IGF2BP1: variants seen among roughly 807,000 people sequenced by gnomAD.
The protein encoded by IGF2BP1 is insulin-like growth factor 2 mRNA-binding protein 1.
Under a neutral mutation model 74.9 loss-of-function variants are expected in IGF2BP1, and 11 were observed. That is an observed-to-expected ratio of 0.15 (90% CI 0.09 to 0.24). The LOEUF is 0.24. Among genes scored for constraint, IGF2BP1 ranks in the 10% least tolerant of loss-of-function variants. The pLI is 1.00. For synonymous variants in IGF2BP1, 287 were observed against 281.8 expected (o/e 1.02, Z -0.18); for missense variants, 440 against 757.4 (o/e 0.58, Z 4.92).
At chr17:49,000,921 G>T (rs2041481606) in intron 2 of IGF2BP1, among the ~76,000 whole-genome samples, 1 of 149,846 alleles carries the variant, frequency 6.7e-6, no homozygotes, top group Non-Finnish European at 1.5e-5. Context: ...ATGGAGAGGG[G>T]GTTTGTGAGA....
At chr17:49,031,454 C>T (rs2144081066) in intron 4 of IGF2BP1, among the ~76,000 whole-genome samples, 1 of 151,772 alleles carries the variant, frequency 6.6e-6, no homozygotes, top group African/African-American at 2.4e-5. Flanking sequence ...AAGTTTTTTG[C>T]CTTTTTATTC....
intron 13 of IGF2BP1, 83 bp from the exon 14 acceptor site, chr17:49,046,177 C>G: frequency 6.9e-7 from 1 of 1,445,400 alleles, no homozygotes; most frequent in East Asian, 2.3e-5. Context: ...CCAGGTTCTC[C>G]CCACTAGTCA....
intron 8 of IGF2BP1, among the ~76,000 whole-genome samples, chr17:49,041,736 C>T (rs879328772): frequency 6.6e-6 from 1 of 152,210 alleles, no homozygotes; most frequent in East Asian, 1.9e-4. Flanking sequence ...CTACAGTCCA[C>T]GTCCAACCAC....
rs890876660 is a variant in IGF2BP1 at position 49,050,107 on chromosome 17, A to G, written c.*663A>G. 2 of 152,658 alleles carry G rather than the reference A, an allele frequency of 1.3e-5. No homozygotes were observed. The highest frequency in any genetic ancestry group is 2.9e-5 in the Non-Finnish European group (2 of 68,062). The allele number at this position is 152,658 out of a possible 1,614,324, so 9.5% of individuals were successfully genotyped here. On this transcript the variant is annotated 3_prime_UTR_variant, in exon 15 of 15. Coordinates refer to ENST00000290341, the MANE Select transcript of IGF2BP1 (RefSeq NM_006546.4). ...ATGGGGAGAAAGATGGTTAAAATAC[A>G]TAATAATCCACGTTTAAAAGGAGCG...
intron 2 of IGF2BP1, among the ~76,000 whole-genome samples, chr17:49,006,299 C>G (rs1469496299): frequency 1.3e-5 from 2 of 152,142 alleles, no homozygotes; most frequent in African/African-American, 4.8e-5. Context: ...ATTCTTAAGG[C>G]TCCAGGAGGG....
At chr17:49,032,154 T>G (rs1159578033) in intron 5 of IGF2BP1, among the ~76,000 whole-genome samples, 181 bp downstream of exon 5, 2 of 152,148 alleles carry the variant, frequency 1.3e-5, no homozygotes, top group Non-Finnish European at 2.9e-5. Flanking sequence ...GGGGGTCTCC[T>G]TCATGTCCAT....
intron 4 of IGF2BP1, among the ~76,000 whole-genome samples, chr17:49,029,630 T>G (rs2041899061): frequency 6.6e-6 from 1 of 151,866 alleles, no homozygotes; most frequent in South Asian, 2.1e-4. Flanking sequence ...CTTTATGTAT[T>G]TATTTATTTA....
At chr17:49,010,319 T>C (rs1247890693) in intron 2 of IGF2BP1, among the ~76,000 whole-genome samples, 2,099 of 145,288 alleles carry the variant, frequency 0.014, 45 homozygotes, top group African/African-American at 0.051. Flanking sequence ...TCATCTTTTT[T>C]TTTTTTTTTT....
chr17:49,055,331 C>A lies in IGF2BP1; in HGVS notation c.*5887C>A. 1 of 287,550 alleles carries A rather than the reference C, an allele frequency of 3.5e-6. No homozygotes were observed. The highest frequency in any genetic ancestry group is 6.4e-6 in the Non-Finnish European group (1 of 155,282). The allele number at this position is 287,550 out of a possible 1,614,324, so 17.8% of individuals were successfully genotyped here. A position where few individuals can be genotyped will look rare whatever the true frequency, so the allele number is the denominator to read the frequency against. Reference sequence around the variant, plus strand: ...CAGGTAACAGCTTTCACAGTCTGCCCCTGGCCTGTCTCACCCCATCCCCCA... The same window carrying A: ...CAGGTAACAGCTTTCACAGTCTGCCACTGGCCTGTCTCACCCCATCCCCCA... On this transcript the variant is annotated 3_prime_UTR_variant, in exon 15 of 15. Coordinates refer to ENST00000290341, the MANE Select transcript of IGF2BP1 (RefSeq NM_006546.4).
chr17:49,009,401 G>T (rs2041588553), intron 2 of IGF2BP1, among the ~76,000 whole-genome samples: 1 of 151,128 alleles, frequency 6.6e-6, no homozygotes. Context: ...TTTATCCTTG[G>T]TATTTTTTTT....
chr17:49,028,722 A>T (rs1235227697), intron 4 of IGF2BP1, among the ~76,000 whole-genome samples: 1 of 152,212 alleles, frequency 6.6e-6, no homozygotes, highest in Non-Finnish European at 1.5e-5. Flanking sequence ...TTTGTTGGAC[A>T]GTAGAGAAAG....
At chr17:49,041,695 T>C (rs2042054495) in intron 8 of IGF2BP1, among the ~76,000 whole-genome samples, 195 bp downstream of exon 8, 1 of 152,174 alleles carries the variant, frequency 6.6e-6, no homozygotes, top group South Asian at 2.1e-4. Context: ...CCCACTGCCA[T>C]ATGGGGCAGG....
In IGF2BP1 at chr17:49,054,006, A is replaced by G. The variant is rs1302662187; in HGVS notation, c.*4562A>G. 6.5e-6 allele frequency: 1 copy of G among 152,724 alleles called. No homozygotes were observed. Among genetic ancestry groups the G allele is most frequent in the African/African-American group, 2.4e-5 (1 of 41,476 alleles). 9.5% of individuals were successfully genotyped at this position (152,724 alleles called of 1,614,324 possible). A position where few individuals can be genotyped will look rare whatever the true frequency, so the allele number is the denominator to read the frequency against. On this transcript the variant is annotated 3_prime_UTR_variant, in exon 15 of 15. Coordinates refer to ENST00000290341, the MANE Select transcript of IGF2BP1 (RefSeq NM_006546.4). ...GGGACATAAAAGCCATTTCCCTTCCAAATACTCGACAATTTAGATGCAGAA... is the reference window on the plus strand; with the variant it reads ...GGGACATAAAAGCCATTTCCCTTCCGAATACTCGACAATTTAGATGCAGAA...
chr17:49,014,957 G>A (rs933332324), intron 2 of IGF2BP1: 1 of 984,866 alleles, frequency 1.0e-6, no homozygotes, highest in African/African-American at 1.7e-5. Context: ...TGTTTTCAAG[G>A]TACCTCTCAT....
chr17:49,048,600 G>A (rs1012621222), intron 14 of IGF2BP1, among the ~76,000 whole-genome samples: 10 of 152,046 alleles, frequency 6.6e-5, no homozygotes, highest in African/African-American at 1.7e-4. Context: ...AAAATGAAGC[G>A]TGGATTTGTG....
In IGF2BP1 at chr17:49,054,340, T is replaced by C. The variant is rs1371786412; in HGVS notation, c.*4896T>C. ...ATGTGTTTTGATTAACCGCAGGTGATGGATGCTACGAGTATAAATGGATTA... is the reference window on the plus strand; with the variant it reads ...ATGTGTTTTGATTAACCGCAGGTGACGGATGCTACGAGTATAAATGGATTA... On this transcript the variant is annotated 3_prime_UTR_variant, in exon 15 of 15. Coordinates refer to ENST00000290341, the MANE Select transcript of IGF2BP1 (RefSeq NM_006546.4). The C allele has an allele frequency of 6.5e-6, 1 of 152,696 alleles. No individual in the cohort carries two copies. The highest frequency in any genetic ancestry group is 1.5e-5 in the Non-Finnish European group (1 of 68,052). 9.5% of individuals were successfully genotyped at this position (152,696 alleles called of 1,614,324 possible).
chr17:49,001,219 A>G (rs1330950050), intron 2 of IGF2BP1, among the ~76,000 whole-genome samples: 1 of 152,160 alleles, frequency 6.6e-6, no homozygotes, highest in Non-Finnish European at 1.5e-5. Context: ...CTGTGTCTGA[A>G]AAGTATTTCG....
intron 2 of IGF2BP1, among the ~76,000 whole-genome samples, chr17:49,016,784 C>T (rs1410731734): frequency 3.5e-5 from 5 of 143,122 alleles, no homozygotes; most frequent in East Asian, 2.1e-4. Context: ...CTCGACAGCC[C>T]GCCAGCCCGC....
intron 13 of IGF2BP1, 67 bp from the exon 14 acceptor site, chr17:49,046,193 G>C: frequency 6.8e-7 from 1 of 1,479,900 alleles, no homozygotes; most frequent in Non-Finnish European, 9.4e-7. Flanking sequence ...AGTCACCCTG[G>C]CTCCTCCCTC....
Sources: allele counts gnomAD v4.1 joint callset (sites outside exome capture counted in the v4.1 genomes callset), GRCh38; gene constraint gnomAD v4.1.1; transcripts MANE v1.5; gene names NCBI Gene and HGNC (gene_info 2026-07-23, HGNC 2026-07-21).